Variants in CTNNA3 observed in about 807,000 individuals in gnomAD.
CTNNA3 encodes the protein catenin alpha-3.
Under a neutral mutation model 95.7 loss-of-function variants are expected in CTNNA3, and 76 were observed. The observed-to-expected ratio is 0.79, with a 90% CI of 0.66 to 0.96. The LOEUF (loss-of-function observed/expected upper bound fraction) is 0.96. Ranked by LOEUF, CTNNA3 falls within the 40% of genes least tolerant of loss-of-function variation. CTNNA3 has a pLI of 0.00. For missense variants in CTNNA3, 1,191 were observed against 1,089.8 expected (o/e 1.09, Z -1.31); for synonymous variants, 431 against 374.4 (o/e 1.15, Z -1.74).
At chr10:67,317,715 C>T (rs1055676475) in intron 5 of CTNNA3, among the ~76,000 whole-genome samples, 18 of 152,122 alleles carry the variant, frequency 1.2e-4, no homozygotes, top group African/African-American at 3.4e-4. Context: ...TGAGCCACCG[C>T]GCCTGGCCAT....
At chr10:66,626,484 G>T (rs1247504783) in intron 9 of CTNNA3, among the ~76,000 whole-genome samples, 1 of 152,098 alleles carries the variant, frequency 6.6e-6, no homozygotes, top group Non-Finnish European at 1.5e-5. Context: ...TGCAACTCTT[G>T]TGTAAATACT....
chr10:67,634,655 GA>G (rs1166307808), intron 2 of CTNNA3, among the ~76,000 whole-genome samples: 1 of 151,804 alleles, frequency 6.6e-6, no homozygotes, highest in Non-Finnish European at 1.5e-5. Context: ...ATGGAAAACA[GA>G]AAAAAAGCAG....
chr10:66,495,465 G>T (rs1176388441), intron 11 of CTNNA3, among the ~76,000 whole-genome samples: 2 of 152,054 alleles, frequency 1.3e-5, no homozygotes, highest in Non-Finnish European at 2.9e-5. Context: ...AAATTCTATT[G>T]TTTATATATT....
At chr10:66,361,970 A>G (rs2092679440) in intron 12 of CTNNA3, among the ~76,000 whole-genome samples, 1 of 152,102 alleles carries the variant, frequency 6.6e-6, no homozygotes, top group Admixed American at 6.6e-5. Flanking sequence ...TTTTGAGTGA[A>G]ACTTTATTAG....
At chr10:66,367,870 TAATA>T (rs2092722693) in intron 12 of CTNNA3, among the ~76,000 whole-genome samples, 7 of 33,352 alleles carry the variant, frequency 2.1e-4, no homozygotes, top group South Asian at 1.9e-3. Flanking sequence ...ATAATAATAA[TAATA>T]ATAATAATTA....
At chr10:66,182,579 A>C (rs1189985844) in intron 13 of CTNNA3, among the ~76,000 whole-genome samples, 1 of 152,220 alleles carries the variant, frequency 6.6e-6, no homozygotes, top group African/African-American at 2.4e-5. Flanking sequence ...CTAAATAAGA[A>C]CATCTCATGT....
At chr10:66,641,121 A>T (rs914816363) in intron 9 of CTNNA3, among the ~76,000 whole-genome samples, 5 of 152,160 alleles carry the variant, frequency 3.3e-5, no homozygotes, top group African/African-American at 7.2e-5. Flanking sequence ...ACTGTCATAT[A>T]AGTGTTAAGT....
intron 1 of CTNNA3, among the ~76,000 whole-genome samples, chr10:67,711,725 C>T (rs1438913857): frequency 1.7e-4 from 20 of 119,474 alleles, no homozygotes; most frequent in African/African-American, 6.1e-4. Flanking sequence ...CGATGCTATC[C>T]CTCCCCCCTC....
At chr10:66,149,719 A>G (rs2084089619) in intron 13 of CTNNA3, among the ~76,000 whole-genome samples, 1 of 151,934 alleles carries the variant, frequency 6.6e-6, no homozygotes, top group Non-Finnish European at 1.5e-5. Context: ...TTTGTAGTTT[A>G]CATTCTTATG....
At chr10:67,120,380 A>G (rs1179112122) in intron 7 of CTNNA3, among the ~76,000 whole-genome samples, 2 of 152,066 alleles carry the variant, frequency 1.3e-5, no homozygotes, top group South Asian at 2.1e-4. Flanking sequence ...AGCAAGATAT[A>G]TATATTGATT....
chr10:66,858,465 AG>A (rs1843771080), intron 7 of CTNNA3, among the ~76,000 whole-genome samples: 2 of 152,070 alleles, frequency 1.3e-5, no homozygotes, highest in African/African-American at 4.8e-5. Context: ...GAACAGTTTT[AG>A]TAGGAATAGT....
chr10:66,318,285 T>C (rs1452217592), intron 12 of CTNNA3, among the ~76,000 whole-genome samples: 12 of 151,314 alleles, frequency 7.9e-5, no homozygotes, highest in Non-Finnish European at 1.6e-4. Context: ...TATGTGTGTG[T>C]GTGTGTGTGT....
chr10:66,248,014 A>T (rs973751578), intron 13 of CTNNA3, among the ~76,000 whole-genome samples: 1 of 152,226 alleles, frequency 6.6e-6, no homozygotes, highest in Non-Finnish European at 1.5e-5. Flanking sequence ...GAAAAACTCA[A>T]TGATGAACCA....
At chr10:67,500,416 G>T (rs527445163) in intron 5 of CTNNA3, among the ~76,000 whole-genome samples, 1 of 152,264 alleles carries the variant, frequency 6.6e-6, no homozygotes, top group African/African-American at 2.4e-5. Flanking sequence ...GTTGATTTCG[G>T]GTGGAGAGTT....
intron 5 of CTNNA3, among the ~76,000 whole-genome samples, chr10:67,493,524 T>G (rs985974503): frequency 6.8e-6 from 1 of 147,618 alleles, no homozygotes; most frequent in Admixed American, 6.9e-5. Flanking sequence ...ATCGCACCAC[T>G]GCACTCCAGG....
At chr10:66,653,511 TA>T (rs1471992411) in intron 9 of CTNNA3, among the ~76,000 whole-genome samples, 4 of 152,072 alleles carry the variant, frequency 2.6e-5, no homozygotes, top group African/African-American at 7.2e-5. Flanking sequence ...TTATATTGTT[TA>T]AAATGTCTGT....
At chr10:67,362,916 A>G (rs1421515869) in intron 5 of CTNNA3, among the ~76,000 whole-genome samples, 2 of 152,160 alleles carry the variant, frequency 1.3e-5, no homozygotes, top group East Asian at 1.9e-4. Flanking sequence ...AAGTTTCAGA[A>G]TACAAAATCA....
At chr10:65,931,697 C>T (rs2077256304) in intron 17 of CTNNA3, among the ~76,000 whole-genome samples, 1 of 152,190 alleles carries the variant, frequency 6.6e-6, no homozygotes, top group African/African-American at 2.4e-5. Flanking sequence ...TGAATTTAGT[C>T]TCTCTTCAAA....
At chr10:66,231,085 C>T (rs2089565638) in intron 13 of CTNNA3, among the ~76,000 whole-genome samples, 2 of 152,094 alleles carry the variant, frequency 1.3e-5, no homozygotes, top group Admixed American at 6.5e-5. Flanking sequence ...TGTGAATTTT[C>T]TTTCTGGGAC....
Sources: gnomAD v4.1 joint callset for allele counts (sites outside exome capture counted in the v4.1 genomes callset) on GRCh38, gnomAD v4.1.1 for gene constraint, MANE v1.5 for transcripts, NCBI Gene and HGNC (gene_info 2026-07-23, HGNC 2026-07-21) for gene names.